Variants in STXBP6 observed in about 807,000 individuals in gnomAD.
The protein encoded by STXBP6 is syntaxin-binding protein 6.
A neutral mutation model predicts 26.9 loss-of-function variants in STXBP6; 21 were observed. The ratio of observed to expected loss-of-function variants is 0.78; its 90% CI spans 0.55 to 1.12. The LOEUF (loss-of-function observed/expected upper bound fraction) is 1.12, where lower values mean the gene tolerates loss of function less well. Ranked by LOEUF, STXBP6 falls within the 50% of genes most tolerant of loss-of-function variation. The pLI is 0.00. For synonymous variants in STXBP6, 97 were observed against 92.6 expected (o/e 1.05, Z -0.27); for missense variants, 232 against 257.9 (o/e 0.90, Z 0.69).
chr14:24,891,388 C>G (rs2070781494), intron 2 of STXBP6, among the ~76,000 whole-genome samples: 1 of 152,154 alleles, frequency 6.6e-6, no homozygotes, highest in African/African-American at 2.4e-5. Context: ...AGTTCATATC[C>G]TGTATATGGT....
At chr14:24,876,334 T>C (rs1364877448) in intron 2 of STXBP6, among the ~76,000 whole-genome samples, 2 of 152,214 alleles carry the variant, frequency 1.3e-5, no homozygotes, top group Non-Finnish European at 2.9e-5. Context: ...ACTTAATGTT[T>C]AGGAAGTAAT....
Position 24,857,211 on chromosome 14 carries a change from C to A in STXBP6, c.155-54G>T, listed in dbSNP as rs537420505. ...GCACCTGCAAGTTGGTGGTTTGTTT[C>A]CACATTCAGTGCTGTTTCTACAGGA... On this transcript the variant is annotated intron_variant, in intron 2 of 5. Coordinates refer to ENST00000323944, the MANE Select transcript of STXBP6 (RefSeq NM_001394410.1). 3.4e-5 allele frequency: 55 copies of A among 1,608,568 alleles called. No individual in the cohort carries two copies. The African/African-American group carries it at 7.1e-4, about 21-fold the overall frequency.
intron 4 of STXBP6, among the ~76,000 whole-genome samples, chr14:24,855,252 A>G (rs987164841): frequency 9.9e-5 from 15 of 152,176 alleles, no homozygotes; most frequent in African/African-American, 3.1e-4. Flanking sequence ...ACCAAGAGAC[A>G]GGTCAGTGAA....
At chr14:24,972,647 G>C (rs2073935962) in intron 2 of STXBP6, among the ~76,000 whole-genome samples, 1 of 152,190 alleles carries the variant, frequency 6.6e-6, no homozygotes, top group Non-Finnish European at 1.5e-5. Context: ...CTTTATTTAA[G>C]TGTATTCTAT....
At chr14:25,016,314 T>G (rs1470000501) in intron 1 of STXBP6, among the ~76,000 whole-genome samples, 1 of 152,178 alleles carries the variant, frequency 6.6e-6, no homozygotes, top group Non-Finnish European at 1.5e-5. Flanking sequence ...GGGTAGAAAT[T>G]AATTTTTTCT....
intron 2 of STXBP6, among the ~76,000 whole-genome samples, chr14:24,897,647 T>C (rs1340398285): frequency 6.6e-6 from 1 of 152,142 alleles, no homozygotes; most frequent in Non-Finnish European, 1.5e-5. Flanking sequence ...AAATTTTGAA[T>C]TCCACAGTAC....
chr14:24,984,894 C>A (rs58279692), intron 1 of STXBP6, among the ~76,000 whole-genome samples: 12,743 of 152,176 alleles, frequency 0.084, 1,764 homozygotes, highest in African/African-American at 0.29. Flanking sequence ...ATGCATGACT[C>A]CAGAAGCCTT....
intron 2 of STXBP6, among the ~76,000 whole-genome samples, chr14:24,946,832 G>A (rs1407127339): frequency 6.6e-6 from 1 of 152,144 alleles, no homozygotes; most frequent in Non-Finnish European, 1.5e-5. Flanking sequence ...AAGATAAATG[G>A]AAGAGCAATC....
chr14:24,857,252 T>G, intron 2 of STXBP6, 95 bp from the exon 3 acceptor site: 2 of 1,517,404 alleles, frequency 1.3e-6, no homozygotes, highest in African/African-American at 1.4e-5. Flanking sequence ...ACTGTGTATA[T>G]GCACAATAAC....
chr14:24,812,497 C>CTA lies in STXBP6; in HGVS notation c.*210_*211dup. The CTA allele has an allele frequency of 1.7e-6, 1 of 582,190 alleles. No individual in the cohort carries two copies. The highest frequency in any genetic ancestry group is 2.2e-5 in the South Asian group (1 of 46,306). The allele number at this position is 582,190 out of a possible 1,614,324, so 36.1% of individuals were successfully genotyped here. ...GCAAAAACCCAAAATGAAGCTGATG[C>CTA]TATTGTAGCATTTATTAGCAAGATC... On this transcript the variant is annotated 3_prime_UTR_variant, in exon 6 of 6. Transcript: ENST00000323944.
intron 1 of STXBP6, among the ~76,000 whole-genome samples, chr14:24,989,859 A>G (rs754037176): frequency 1.3e-5 from 2 of 152,152 alleles, no homozygotes. Flanking sequence ...CCTTTCTTAC[A>G]TGAGTATTAA....
chr14:24,930,952 A>G (rs1422471930), intron 2 of STXBP6, among the ~76,000 whole-genome samples: 2 of 144,524 alleles, frequency 1.4e-5, no homozygotes, highest in Admixed American at 1.4e-4. Context: ...TCTACTAAAA[A>G]TACAAAAAAT....
At chr14:24,889,583 G>T (rs1217819126) in intron 2 of STXBP6, among the ~76,000 whole-genome samples, 1 of 143,346 alleles carries the variant, frequency 7.0e-6, no homozygotes, top group East Asian at 2.1e-4. Flanking sequence ...AATAAAAAAA[G>T]AAAAAAAAAG....
chr14:24,850,717 G>C (rs974342518), intron 4 of STXBP6, among the ~76,000 whole-genome samples: 1 of 152,066 alleles, frequency 6.6e-6, no homozygotes, highest in African/African-American at 2.4e-5. Flanking sequence ...GGTGCCTACT[G>C]TGTGACTGGA....
intron 2 of STXBP6, among the ~76,000 whole-genome samples, chr14:24,864,360 G>A (rs551314181): frequency 6.6e-6 from 1 of 152,156 alleles, no homozygotes; most frequent in East Asian, 1.9e-4. Flanking sequence ...AATGTCATAC[G>A]TGGTAGAAAT....
At chr14:24,952,299 C>T (rs1566504881) in intron 2 of STXBP6, among the ~76,000 whole-genome samples, 1 of 149,282 alleles carries the variant, frequency 6.7e-6, no homozygotes, top group East Asian at 1.9e-4. Flanking sequence ...TTCTTTATCC[C>T]TTAAAAAAAA....
intron 4 of STXBP6, among the ~76,000 whole-genome samples, chr14:24,846,131 A>G (rs1372654159): frequency 6.6e-6 from 1 of 152,206 alleles, no homozygotes; most frequent in Non-Finnish European, 1.5e-5. Context: ...TTTATTATTA[A>G]CAATAAACTA....
intron 2 of STXBP6, among the ~76,000 whole-genome samples, chr14:24,973,568 T>C (rs2140195288): frequency 6.6e-6 from 1 of 152,058 alleles, no homozygotes; most frequent in East Asian, 1.9e-4. Context: ...TTATTTTTAA[T>C]AGAGACAGGG....
At chr14:24,918,902 AAAT>A (rs1434654739) in intron 2 of STXBP6, among the ~76,000 whole-genome samples, 5 of 152,140 alleles carry the variant, frequency 3.3e-5, no homozygotes, top group African/African-American at 9.7e-5. Flanking sequence ...CTGTACTGTG[AAAT>A]AATGAATGCT....
Sources: gnomAD v4.1 joint callset for allele counts (sites outside exome capture counted in the v4.1 genomes callset) on GRCh38, gnomAD v4.1.1 for gene constraint, MANE v1.5 for transcripts, NCBI Gene and HGNC (gene_info 2026-07-23, HGNC 2026-07-21) for gene names.